The following DNM3 variants were observed in gnomAD, a reference collection of about 807,000 sequenced individuals.
DNM3 encodes the protein dynamin-3.
A neutral mutation model predicts 101.6 loss-of-function variants in DNM3; 47 were observed. That is an observed-to-expected ratio of 0.46 (90% confidence interval 0.37 to 0.59). The LOEUF (loss-of-function observed/expected upper bound fraction) is 0.59, where lower values mean the gene tolerates loss of function less well. DNM3 is among the 20% of genes least tolerant of loss of function. The pLI is 0.00. For missense variants in DNM3, 849 were observed against 1,085.7 expected (o/e 0.78, Z 3.06); for synonymous variants, 385 against 387.9 (o/e 0.99, Z 0.09).
At chr1:172,153,477 A>G (rs2058219008) in intron 14 of DNM3, among the ~76,000 whole-genome samples, 1 of 152,134 alleles carries the variant, frequency 6.6e-6, no homozygotes, top group Non-Finnish European at 1.5e-5. Flanking sequence ...ATATGCATCA[A>G]TCACATGATC....
intron 2 of DNM3, among the ~76,000 whole-genome samples, chr1:171,925,904 A>T (rs546482660): frequency 6.6e-6 from 1 of 152,196 alleles, no homozygotes; most frequent in Non-Finnish European, 1.5e-5. Context: ...ATAGGGGTCC[A>T]GTTATATTCT....
At chr1:172,062,669 T>G (rs2051333355) in intron 10 of DNM3, among the ~76,000 whole-genome samples, 1 of 152,164 alleles carries the variant, frequency 6.6e-6, no homozygotes, top group South Asian at 2.1e-4. Flanking sequence ...CAACTTCACT[T>G]TGACCTTCTT....
At chr1:171,958,046 A>T (rs1384592543) in intron 2 of DNM3, among the ~76,000 whole-genome samples, 2 of 152,174 alleles carry the variant, frequency 1.3e-5, no homozygotes, top group Non-Finnish European at 2.9e-5. Flanking sequence ...CAAAAGAAAG[A>T]GGTTTAATGG....
At chr1:172,231,711 T>C (rs1573043187) in intron 14 of DNM3, among the ~76,000 whole-genome samples, 1 of 152,102 alleles carries the variant, frequency 6.6e-6, no homozygotes, top group African/African-American at 2.4e-5. Flanking sequence ...ATTAGGCAAA[T>C]GGATAACTAG....
intron 2 of DNM3, among the ~76,000 whole-genome samples, chr1:171,986,054 TTC>T (rs1174904533): frequency 2.0e-5 from 3 of 152,162 alleles, no homozygotes; most frequent in Non-Finnish European, 4.4e-5. Flanking sequence ...AGATCAAAGT[TTC>T]TGTTACCCAA....
chr1:172,151,229 G>GTTAGTTTT lies in DNM3; in HGVS notation c.1659+19942_1659+19949dup, dbSNP rs528406214. ...GCAGTGTTTTTTTGTAATCTTAAAC[G>GTTAGTTTT]TTAGTTTTAGTGTATAGACGTTTCA... is the stretch of plus-strand genomic sequence containing the variant. On this transcript the variant is annotated intron_variant, in intron 14 of 20. Transcript: ENST00000627582. Among the ~76,000 whole-genome samples, 422 of 152,128 alleles carry GTTAGTTTT rather than the reference G, an allele frequency of 2.8e-3. 3 individuals are homozygous for GTTAGTTTT. The highest frequency in any genetic ancestry group is 5.0e-3 in the Admixed American group (77 of 15,282).
At chr1:171,922,123 T>TTGTGTGTGTGTG (rs3051604) in intron 2 of DNM3, among the ~76,000 whole-genome samples, 26 of 135,812 alleles carry the variant, frequency 1.9e-4, no homozygotes, top group African/African-American at 6.9e-4. Context: ...TTGGTATGCT[T>TTGTGTGTGTGTG]TGTGTGTGTG....
chr1:172,053,112 T>C (rs1174253972), intron 10 of DNM3, among the ~76,000 whole-genome samples: 1 of 152,188 alleles, frequency 6.6e-6, no homozygotes, highest in Non-Finnish European at 1.5e-5. Context: ...CTCAGAGCCT[T>C]GAAAATAAAG....
chr1:172,059,931 G>A (rs1308496170), intron 10 of DNM3, among the ~76,000 whole-genome samples: 4 of 136,968 alleles, frequency 2.9e-5, no homozygotes, highest in South Asian at 2.5e-4. Flanking sequence ...CGACATGATT[G>A]TATATCTAGA....
At chr1:172,303,874 A>G (rs2064612142) in intron 15 of DNM3, among the ~76,000 whole-genome samples, 1 of 152,172 alleles carries the variant, frequency 6.6e-6, no homozygotes, top group Non-Finnish European at 1.5e-5. Flanking sequence ...GAGCTTCTGA[A>G]GGAAGCACTA....
At chr1:172,055,932 G>A (rs940881555) in intron 10 of DNM3, among the ~76,000 whole-genome samples, 34 of 152,138 alleles carry the variant, frequency 2.2e-4, no homozygotes, top group African/African-American at 8.0e-4. Context: ...CTGAGGTACC[G>A]GGTTCATCTC....
intron 15 of DNM3, among the ~76,000 whole-genome samples, chr1:172,267,932 T>C (rs961338902): frequency 6.6e-6 from 1 of 152,188 alleles, no homozygotes; most frequent in Non-Finnish European, 1.5e-5. Context: ...CAGGATGGTC[T>C]CGATCTCCTG....
At chr1:172,013,478 A>G (rs1217064028) in intron 4 of DNM3, among the ~76,000 whole-genome samples, 1 of 152,106 alleles carries the variant, frequency 6.6e-6, no homozygotes, top group Non-Finnish European at 1.5e-5. Context: ...TGAATAGCTT[A>G]GAATATATAT....
chr1:172,144,088 C>T (rs1001614686), intron 14 of DNM3, among the ~76,000 whole-genome samples: 3 of 151,698 alleles, frequency 2.0e-5, no homozygotes, highest in Non-Finnish European at 4.4e-5. Context: ...AAAGTAGCCT[C>T]ATTAAACTAT....
chr1:171,982,547 G>A (rs2044883185), intron 2 of DNM3, among the ~76,000 whole-genome samples: 1 of 152,116 alleles, frequency 6.6e-6, no homozygotes, highest in African/African-American at 2.4e-5. Flanking sequence ...TTTCCAGATA[G>A]GCTGGGCAGG....
At chr1:172,071,775 A>T (rs2052215849) in intron 11 of DNM3, among the ~76,000 whole-genome samples, 1 of 150,670 alleles carries the variant, frequency 6.6e-6, no homozygotes, top group South Asian at 2.1e-4. Flanking sequence ...GAAGCAGTGG[A>T]CTTTCTGGGC....
chr1:172,050,144 A>G (rs1482215743), intron 10 of DNM3, among the ~76,000 whole-genome samples: 1 of 152,194 alleles, frequency 6.6e-6, no homozygotes, highest in Admixed American at 6.5e-5. Flanking sequence ...CCAGTTGGAA[A>G]CTTCAAGTCA....
rs1376400796 is a variant in DNM3 at position 172,409,005 on chromosome 1, T to C, written c.*1164T>C. On this transcript the variant is annotated 3_prime_UTR_variant, in exon 21 of 21. Transcript: ENST00000627582. ...ATCCAGGTCACTCCAGAAAAGGGTA[T>C]TGAAACGTTGAAATCTAAAGCAAAT... 2.0e-6 allele frequency: 2 copies of C among 985,374 alleles called. No homozygotes were observed. Among genetic ancestry groups the C allele is most frequent in the African/African-American group, 1.7e-5 (1 of 57,366 alleles). The allele number at this position is 985,374 out of a possible 1,614,324, so 61.0% of individuals were successfully genotyped here.
At chr1:171,927,856 C>G (rs1001250529) in intron 2 of DNM3, among the ~76,000 whole-genome samples, 1 of 152,292 alleles carries the variant, frequency 6.6e-6, no homozygotes, top group South Asian at 2.1e-4. Flanking sequence ...ACCAGCCTAG[C>G]CTGGTTAAGA....
Sources: gnomAD v4.1 joint callset for allele counts (sites outside exome capture counted in the v4.1 genomes callset) on GRCh38, gnomAD v4.1.1 for gene constraint, MANE v1.5 for transcripts, NCBI Gene and HGNC (gene_info 2026-07-23, HGNC 2026-07-21) for gene names.